MYCT1: variants seen among roughly 807,000 people sequenced by gnomAD.
MYCT1 encodes MYC target 1.
A neutral mutation model predicts 15.0 loss-of-function variants in MYCT1; 12 were observed. That is an observed-to-expected ratio of 0.80 (90% CI 0.51 to 1.29). The LOEUF is 1.29. Ranked by LOEUF, MYCT1 falls within the 50% of genes most tolerant of loss-of-function variation. The pLI is 0.00. For synonymous variants in MYCT1, 104 were observed against 102.7 expected (o/e 1.01, Z -0.07); for missense variants, 287 against 279.1 (o/e 1.03, Z -0.20).
downstream of MYCT1, among the ~76,000 whole-genome samples, chr6:152,728,160 T>C (rs2099725978): frequency 7.7e-6 from 1 of 130,588 alleles, no homozygotes; most frequent in African/African-American, 2.6e-5. Flanking sequence ...TGAGCCTCTG[T>C]CTGGAAAAAA....
downstream of MYCT1, among the ~76,000 whole-genome samples, chr6:152,727,887 G>A (rs540864605): frequency 1.3e-5 from 2 of 152,192 alleles, no homozygotes; most frequent in Non-Finnish European, 2.9e-5. Context: ...CTTCAGGCCG[G>A]GTGTGGTGGC....
chr6:152,702,648 T>C lies in MYCT1; in HGVS notation c.196+4550T>C, dbSNP rs577059700. Among the ~76,000 whole-genome samples the C allele has an allele frequency of 2.6e-5, 4 of 152,224 alleles. No homozygotes were observed. In the East Asian group the frequency reaches 7.7e-4, roughly 29 times the overall value. On this transcript the variant is annotated intron_variant, in intron 1 of 1. Coordinates refer to ENST00000367245, the MANE Select transcript of MYCT1 (RefSeq NM_025107.3). Reference sequence around the variant, plus strand: ...TGGGCATAGGATGTTCCCCAAGAAGTTAAGAGGGGAACAGGTTTATGGCCT... The same window carrying C: ...TGGGCATAGGATGTTCCCCAAGAAGCTAAGAGGGGAACAGGTTTATGGCCT...
At chr6:152,700,488 C>G (rs1300373970) in intron 1 of MYCT1, among the ~76,000 whole-genome samples, 1 of 151,964 alleles carries the variant, frequency 6.6e-6, no homozygotes, top group Non-Finnish European at 1.5e-5. Context: ...GGGTTATTAC[C>G]AAAAACAATA....
downstream of MYCT1, among the ~76,000 whole-genome samples, chr6:152,725,593 G>C (rs1419267583): frequency 6.6e-6 from 1 of 152,102 alleles, no homozygotes; most frequent in Non-Finnish European, 1.5e-5. Context: ...GCCCACAATA[G>C]CTAACTATTT....
At chr6:152,705,195 C>T (rs1392556586) in intron 1 of MYCT1, among the ~76,000 whole-genome samples, 2 of 152,134 alleles carry the variant, frequency 1.3e-5, no homozygotes, top group Non-Finnish European at 2.9e-5. Flanking sequence ...AGCTACTGAA[C>T]ATCATAGCTT....
downstream of MYCT1, among the ~76,000 whole-genome samples, chr6:152,728,435 C>T (rs2099726026): frequency 6.6e-6 from 1 of 151,854 alleles, no homozygotes; most frequent in Non-Finnish European, 1.5e-5. Context: ...AAATGCATGA[C>T]AAGGAGTTAA....
the MYCT1 span, among the ~76,000 whole-genome samples, chr6:152,736,929 A>T: frequency 2.0e-5 from 3 of 152,170 alleles, no homozygotes; most frequent in African/African-American, 7.2e-5. Context: ...CACAGGGTAT[A>T]TTCCTAGGAA....
chr6:152,744,336 C>T, the MYCT1 span, among the ~76,000 whole-genome samples: 1 of 152,050 alleles, frequency 6.6e-6, no homozygotes, highest in Non-Finnish European at 1.5e-5. Context: ...ATGAAAAATA[C>T]CAAAAATTTT....
At chr6:152,726,400 A>G (rs541608965), downstream of MYCT1, among the ~76,000 whole-genome samples, 1,933 of 151,764 alleles carry the variant, frequency 0.013, 31 homozygotes, top group African/African-American at 0.044. Flanking sequence ...TCTGTCTAAA[A>G]AAAAAAAAAA....
At chr6:152,727,560 G>T (rs1227587940), downstream of MYCT1, among the ~76,000 whole-genome samples, 1 of 152,246 alleles carries the variant, frequency 6.6e-6, no homozygotes, top group East Asian at 1.9e-4. Context: ...TGGAAGAACA[G>T]ATTTAATGAG....
chr6:152,747,009 G>T, the MYCT1 span, among the ~76,000 whole-genome samples: 1 of 151,868 alleles, frequency 6.6e-6, no homozygotes, highest in Non-Finnish European at 1.5e-5. Flanking sequence ...TAACTTTAAA[G>T]GGAAAATTTA....
At chr6:152,704,884 C>T (rs1166355555) in intron 1 of MYCT1, among the ~76,000 whole-genome samples, 2 of 152,072 alleles carry the variant, frequency 1.3e-5, no homozygotes, top group African/African-American at 4.8e-5. Context: ...CTAAGACCTA[C>T]TTTTTTGGCC....
At chr6:152,714,824 AATTT>A (rs2099723357) in intron 1 of MYCT1, among the ~76,000 whole-genome samples, 2 of 151,488 alleles carry the variant, frequency 1.3e-5, no homozygotes, top group Non-Finnish European at 2.9e-5. Flanking sequence ...GGTATATATA[AATTT>A]ATTTAAGTAT....
At chr6:152,741,442 A>T in the MYCT1 span, among the ~76,000 whole-genome samples, 1 of 152,186 alleles carries the variant, frequency 6.6e-6, no homozygotes, top group Non-Finnish European at 1.5e-5. Context: ...GTTTATTCTT[A>T]TCAGCGCTCA....
At chr6:152,729,707 C>A in the MYCT1 span, among the ~76,000 whole-genome samples, 1 of 152,182 alleles carries the variant, frequency 6.6e-6, no homozygotes, top group South Asian at 2.1e-4. Flanking sequence ...CTGCTTTATC[C>A]AGTTGGTGTG....
chr6:152,697,915 G>A lies in MYCT1; in HGVS notation c.13G>A (p.Val5Ile). The A allele has an allele frequency of 6.3e-7, 1 of 1,584,754 alleles. No homozygotes were observed. The highest frequency in any genetic ancestry group is 8.6e-7 in the Non-Finnish European group (1 of 1,168,596). The change falls in exon 1 of 2, where the codon GTA (valine) becomes ATA (isoleucine). Residue 5 changes from valine (V) to isoleucine (I), a missense_variant. Physicochemically the swap from Val to Ile is conservative, Grantham distance 29 (BLOSUM62 3). Transcript: ENST00000367245. ...CTTATTTCCTTTTATGCGAACACAA[G>A]TATATGAGGGGTTGTGTAAAAATTA... MRTQ[V>I]YEGLCKNYFS...
At position 152,722,344 on chromosome 6, in the gene MYCT1, G is replaced by A. The variant is rs1583977745; in HGVS notation, c.*91G>A. 2.2e-6 allele frequency: 3 copies of A among 1,333,726 alleles called. No individual in the cohort carries two copies. The highest frequency in any genetic ancestry group is 4.6e-5 in the East Asian group (2 of 43,038). 82.6% of individuals were successfully genotyped at this position (1,333,726 alleles called of 1,614,324 possible). ...GGCTAAACAGAATTTTGAGGGCATG[G>A]CCCAAATAACTCATGAGTTCCAAGT... On this transcript the variant is annotated 3_prime_UTR_variant, in exon 2 of 2. Transcript: ENST00000367245.
At chr6:152,743,890 A>G in the MYCT1 span, among the ~76,000 whole-genome samples, 2 of 152,234 alleles carry the variant, frequency 1.3e-5, no homozygotes, top group Admixed American at 6.5e-5. Context: ...GATACAGGAT[A>G]TTAGAATATA....
chr6:152,735,435 C>CT, the MYCT1 span, among the ~76,000 whole-genome samples: 10,062 of 151,976 alleles, frequency 0.066, 527 homozygotes, highest in East Asian at 0.17. Flanking sequence ...TTATTATTAA[C>CT]TTAAGTAGTC....
Sources: allele counts gnomAD v4.1 joint callset (sites outside exome capture counted in the v4.1 genomes callset), GRCh38; gene constraint gnomAD v4.1.1; transcripts MANE v1.5; gene names NCBI Gene and HGNC (gene_info 2026-07-23, HGNC 2026-07-21).